ASS1: variants seen among roughly 807,000 people sequenced by gnomAD.
ASS1 encodes argininosuccinate synthase 1, also known as argininosuccinate synthase.
ASS1 carries 58 observed loss-of-function variants against 60.5 expected under a neutral mutation model. The ratio of observed to expected loss-of-function variants is 0.96; its 90% CI spans 0.78 to 1.19. ASS1 has a LOEUF of 1.19. Ranked by LOEUF, ASS1 falls within the 50% of genes most tolerant of loss-of-function variation. The probability of loss-of-function intolerance (pLI) is 0.00; values close to 1 mark genes in which losing one functional copy is unlikely to be tolerated. For synonymous variants in ASS1, 200 were observed against 206.9 expected (o/e 0.97, Z 0.29); for missense variants, 454 against 547.3 (o/e 0.83, Z 1.70).
At position 130,476,904 on chromosome 9, in the gene ASS1, C is replaced by G; in HGVS notation, c.631C>G (p.Gln211Glu). 6.2e-7 allele frequency: 1 copy of G among 1,614,132 alleles called. No individual in the cohort carries two copies. Among genetic ancestry groups the G allele is most frequent in the East Asian group, 2.2e-5 (1 of 44,882 alleles). The change falls in exon 9 of 15, where the codon CAG (glutamine) becomes GAG (glutamate). Residue 211 changes from glutamine to glutamate, a missense_variant. Physicochemically the swap from Gln to Glu is conservative, Grantham distance 29. Coordinates refer to ENST00000352480, the MANE Select transcript of ASS1 (RefSeq NM_054012.4). The surrounding 1 kb of genome is among the most constrained non-coding windows in gnomAD (Gnocchi z 4.9). ...QAPPGLYTKT[Q>E]DPAKAPNTPD... ...GCCTCCAGGTCTCTACACGAAGACC[C>G]AGGACCCAGCCAAAGCCCCCAACAC...
chr9:130,496,683 C>G (rs141476140), intron 13 of ASS1, among the ~76,000 whole-genome samples: 1 of 151,888 alleles, frequency 6.6e-6, no homozygotes, highest in Non-Finnish European at 1.5e-5. Flanking sequence ...CAAGGAGGAG[C>G]CCCTGGAGGG....
rs938806350 is a variant in ASS1 at position 130,481,268 on chromosome 9, G to C, written c.838+819G>C. 2.6e-5 allele frequency among the ~76,000 whole-genome samples: 4 copies of C among 152,172 alleles called. No individual in the cohort carries two copies. The South Asian group carries it at 6.2e-4, about 24-fold the overall frequency. ...GTCTGCCAGTGTGTGATAAAGCCAT[G>C]CTGTGTTCTTTCTTGGGGGTCCTAA... On this transcript the variant is annotated intron_variant, in intron 11 of 14. Transcript: ENST00000352480.
At chr9:130,467,307 C>A (rs956513704) in intron 6 of ASS1, among the ~76,000 whole-genome samples, 2 of 152,172 alleles carry the variant, frequency 1.3e-5, no homozygotes, top group Admixed American at 1.3e-4. Flanking sequence ...GGCACCAGCC[C>A]TTTTTGAAGT....
chr9:130,462,376 G>T (rs538145572), intron 4 of ASS1, among the ~76,000 whole-genome samples: 1 of 152,260 alleles, frequency 6.6e-6, no homozygotes, highest in African/African-American at 2.4e-5. Flanking sequence ...CCTTCTCCCC[G>T]GAAAGCTGCC....
intron 13 of ASS1, 92 bp from the exon 14 acceptor site, chr9:130,499,413 T>G: frequency 7.5e-7 from 1 of 1,333,672 alleles, no homozygotes; most frequent in Non-Finnish European, 1.1e-6. Flanking sequence ...CCCTGGCATC[T>G]GGGAGGTGGG....
At chr9:130,498,949 G>A (rs1302232698) in intron 13 of ASS1, among the ~76,000 whole-genome samples, 1 of 152,212 alleles carries the variant, frequency 6.6e-6, no homozygotes, top group East Asian at 1.9e-4. Flanking sequence ...CACTGGCAGT[G>A]GGTGCCCAGG....
Position 130,488,053 on chromosome 9 carries a change from C to T in ASS1, c.839-1280C>T, listed in dbSNP as rs1019179507. Among the ~76,000 whole-genome samples the T allele has an allele frequency of 5.3e-5, 8 of 152,192 alleles. No individual in the cohort carries two copies. Among genetic ancestry groups the T allele is most frequent in the Non-Finnish European group, 8.8e-5 (6 of 68,036 alleles). On this transcript the variant is annotated intron_variant, in intron 11 of 14. Coordinates refer to ENST00000352480, the MANE Select transcript of ASS1 (RefSeq NM_054012.4). The surrounding 1 kb of genome is among the most constrained non-coding windows in gnomAD (Gnocchi z 5.2). ...TATTACAGTCATGAGCCACTGTGCC[C>T]GGCCCCCTTCCTTCTTAAGGCTGAA...
At position 130,476,945 on chromosome 9, in the gene ASS1, G is replaced by A; in HGVS notation, c.672G>A (p.Glu224=). ...CCCCCAACACCCCTGACATTCTCGA[G>A]ATCGAGTTCAAAAAAGGTATGTGCC... The part of the protein sequence containing the change: ...AKAPNTPDIL[E]IEFKKGVPVK... The change falls in exon 9 of 15, where the codon GAG becomes GAA. Residue 224 remains glutamate, a synonymous_variant. Coordinates refer to ENST00000352480, the MANE Select transcript of ASS1 (RefSeq NM_054012.4). This position sits in a 1 kb window ranked among gnomAD's most constrained non-coding sequence, Gnocchi z 4.9. The A allele has an allele frequency of 1.9e-6, 3 of 1,614,074 alleles. No individual in the cohort carries two copies. In the South Asian group the frequency reaches 3.3e-5, roughly 18 times the overall value.
intron 8 of ASS1, among the ~76,000 whole-genome samples, chr9:130,475,565 A>G (rs947586547): frequency 3.3e-5 from 5 of 152,004 alleles, no homozygotes; most frequent in Non-Finnish European, 7.4e-5. Context: ...GTGCCAGGGA[A>G]CAAGTCCCAC....
upstream of ASS1, among the ~76,000 whole-genome samples, chr9:130,444,755 C>G (rs1845155103): frequency 6.6e-6 from 1 of 151,802 alleles, no homozygotes; most frequent in Admixed American, 6.6e-5. The surrounding 1 kb of genome is among the most constrained non-coding windows in gnomAD (Gnocchi z 4.7). Flanking sequence ...CAGGCCCGGA[C>G]CTGGTGGGAG....
intron 3 of ASS1, among the ~76,000 whole-genome samples, chr9:130,457,593 G>A (rs952624839): frequency 1.3e-5 from 2 of 152,140 alleles, no homozygotes; most frequent in East Asian, 1.9e-4. Context: ...CCTTGTTCCC[G>A]TGTGGCTGGC....
chr9:130,466,813 T>C lies in ASS1; in HGVS notation c.495+14T>C. The C allele has an allele frequency of 6.2e-7, 1 of 1,613,502 alleles. No individual in the cohort carries two copies. The highest frequency in any genetic ancestry group is 1.3e-5 in the African/African-American group (1 of 75,042). On this transcript the variant is annotated intron_variant, in intron 6 of 14. Transcript: ENST00000352480. ...GAGTACGCAAAGGTATGGCCGAGTC[T>C]CCCCACCACCCCCAACCTTTCCCTA...
chr9:130,490,400 G>A (rs569659048), intron 12 of ASS1, among the ~76,000 whole-genome samples: 4 of 152,110 alleles, frequency 2.6e-5, no homozygotes, highest in Admixed American at 2.0e-4. Context: ...TGCAACCTCC[G>A]CCTCCCTGGT....
At chr9:130,464,394 G>A (rs1845676630) in intron 5 of ASS1, among the ~76,000 whole-genome samples, 2 of 152,204 alleles carry the variant, frequency 1.3e-5, no homozygotes, top group Non-Finnish European at 2.9e-5. Flanking sequence ...AGGCTGTCCA[G>A]GTGCTGGGGC....
rs1846380121 is a variant in ASS1, at chr9:130,489,071, T to A, written c.839-262T>A. Among the ~76,000 whole-genome samples, 1 of 152,044 alleles carries A rather than the reference T, an allele frequency of 6.6e-6. No individual in the cohort carries two copies. The highest frequency in any genetic ancestry group is 2.4e-5 in the African/African-American group (1 of 41,400). The stretch of plus-strand genomic sequence containing the variant: ...GGTTGCTGCTCCGAAACCCTGTCAT[T>A]TTCTAGCGTCTGAGGGCCCCTTCAA... On this transcript the variant is annotated intron_variant, in intron 11 of 14. Transcript: ENST00000352480. This position sits in a 1 kb window ranked among gnomAD's most constrained non-coding sequence, Gnocchi z 4.1.
At position 130,466,907 on chromosome 9, in the gene ASS1, C is replaced by T. The variant is rs1309968122; in HGVS notation, c.495+108C>T. On this transcript the variant is annotated intron_variant, in intron 6 of 14. Transcript: ENST00000352480. ...CAGTGGCCTAGGCCGGGACTGACCC[C>T]ATGTGATGGGGGATTGAACTTCCAC... 5.4e-6 allele frequency: 7 copies of T among 1,285,066 alleles called. No homozygotes were observed. The East Asian group carries it at 1.7e-4, about 32-fold the overall frequency. The allele number at this position is 1,285,066 out of a possible 1,614,324, so 79.6% of individuals were successfully genotyped here. A position where few individuals can be genotyped will look rare whatever the true frequency, so the allele number is the denominator to read the frequency against.
intron 3 of ASS1, among the ~76,000 whole-genome samples, chr9:130,455,959 CA>C (rs1845440759): frequency 6.6e-6 from 1 of 152,168 alleles, no homozygotes; most frequent in African/African-American, 2.4e-5. Context: ...TGCTGGAGAG[CA>C]GAGGGGTTGT....
At chr9:130,452,154 T>A (rs1845341584) in intron 1 of ASS1, 70 bp from the exon 2 acceptor site, 1 of 1,352,054 alleles carries the variant, frequency 7.4e-7, no homozygotes, top group African/African-American at 1.4e-5. Context: ...GGGGCTGGGC[T>A]GTCTGCAGGG....
rs993211529 is a variant in ASS1, at chr9:130,459,271, C to T, written c.363+682C>T. On this transcript the variant is annotated intron_variant, in intron 4 of 14. Transcript: ENST00000352480. The surrounding 1 kb of genome is among the most constrained non-coding windows in gnomAD (Gnocchi z 4.6). ...TCTGGTGTCCCTTAGCGTGTGGCTG[C>T]GTCACTCCTGTCCTTCCGTCCTCCA... Among the ~76,000 whole-genome samples, 1 of 152,106 alleles carries T rather than the reference C, an allele frequency of 6.6e-6. No individual in the cohort carries two copies. The highest frequency in any genetic ancestry group is 2.4e-5 in the African/African-American group (1 of 41,414).
Sources: allele counts gnomAD v4.1 joint callset (sites outside exome capture counted in the v4.1 genomes callset), GRCh38; gene constraint gnomAD v4.1.1; non-coding constraint Gnocchi (gnomAD v3.1); transcripts MANE v1.5; gene names NCBI Gene and HGNC (gene_info 2026-07-23, HGNC 2026-07-21).